The following VEPH1 variants were observed in gnomAD, a reference collection of about 807,000 sequenced individuals.
VEPH1 encodes ventricular zone-expressed PH domain-containing protein homolog 1.
In VEPH1, 80 loss-of-function variants were observed where a neutral mutation model predicts 85.2. The observed-to-expected ratio is 0.94, with a 90% CI of 0.78 to 1.13. The LOEUF is 1.13. VEPH1 is among the 50% of genes most tolerant of loss of function. The pLI, the probability that VEPH1 is intolerant of heterozygous loss-of-function variation, is 0.00. For missense variants in VEPH1, 955 were observed against 980.5 expected (o/e 0.97, Z 0.35); for synonymous variants, 297 against 348.0 (o/e 0.85, Z 1.63).
intron 12 of VEPH1, among the ~76,000 whole-genome samples, chr3:157,267,102 C>CTTTTTTT (rs10537483): frequency 3.2e-5 from 4 of 124,678 alleles, no homozygotes; most frequent in East Asian, 2.4e-4. Flanking sequence ...TCTTTTTTTT[C>CTTTTTTT]TTTTTTTTTT....
intron 4 of VEPH1, among the ~76,000 whole-genome samples, chr3:157,432,907 T>C (rs1198602017): frequency 6.6e-6 from 1 of 152,138 alleles, no homozygotes; most frequent in African/African-American, 2.4e-5. Flanking sequence ...TATGTAGATC[T>C]TTTTATGTTT....
intron 7 of VEPH1, among the ~76,000 whole-genome samples, chr3:157,374,302 C>G (rs1727844582): frequency 6.6e-6 from 1 of 152,158 alleles, no homozygotes; most frequent in South Asian, 2.1e-4. Context: ...TATCAAAACT[C>G]TTGTTTCATT....
At chr3:157,297,448 G>A (rs1445050718) in intron 11 of VEPH1, among the ~76,000 whole-genome samples, 1 of 152,226 alleles carries the variant, frequency 6.6e-6, no homozygotes, top group Middle Eastern at 3.4e-3. Context: ...ATAATGTGAT[G>A]TACAAATAGA....
intron 1 of VEPH1, among the ~76,000 whole-genome samples, chr3:157,500,021 T>C (rs1739976433): frequency 6.6e-6 from 1 of 152,218 alleles, no homozygotes; most frequent in Non-Finnish European, 1.5e-5. Context: ...ATGCGGGAAG[T>C]TGCTAATAAA....
intron 12 of VEPH1, among the ~76,000 whole-genome samples, chr3:157,272,423 C>CTT (rs1269709031): frequency 5.4e-5 from 7 of 130,536 alleles, no homozygotes; most frequent in Non-Finnish European, 5.0e-5. Flanking sequence ...TTCTTTCTTT[C>CTT]TTTCTTTCTT....
chr3:157,321,823 TTTTTAC>T (rs1185000287), intron 9 of VEPH1, among the ~76,000 whole-genome samples: 1 of 152,126 alleles, frequency 6.6e-6, no homozygotes, highest in Non-Finnish European at 1.5e-5. Flanking sequence ...ACTTAAATGA[TTTTTAC>T]ATTTTAATTT....
chr3:157,369,187 A>AC (rs1560001108), intron 7 of VEPH1, among the ~76,000 whole-genome samples: 21 of 142,070 alleles, frequency 1.5e-4, no homozygotes, highest in African/African-American at 5.0e-4. Context: ...AATGAAAAAA[A>AC]AAAAAAAAAA....
intron 13 of VEPH1, among the ~76,000 whole-genome samples, chr3:157,263,260 C>A (rs1351012448): frequency 6.6e-6 from 1 of 152,100 alleles, no homozygotes; most frequent in Non-Finnish European, 1.5e-5. Context: ...AAATTATTTC[C>A]CACTATTTGA....
At chr3:157,333,559 G>T (rs532020568) in intron 9 of VEPH1, among the ~76,000 whole-genome samples, 1 of 152,306 alleles carries the variant, frequency 6.6e-6, no homozygotes, top group East Asian at 1.9e-4. Context: ...ATATTTGCAT[G>T]ACACTAATGT....
intron 9 of VEPH1, among the ~76,000 whole-genome samples, chr3:157,327,039 A>G (rs1721981776): frequency 6.6e-6 from 1 of 152,154 alleles, no homozygotes; most frequent in South Asian, 2.1e-4. Context: ...TAGACTGCAG[A>G]GAGAATTGTC....
chr3:157,413,835 G>A (rs1211939225), intron 6 of VEPH1, 46 bp downstream of exon 6: 2 of 1,586,734 alleles, frequency 1.3e-6, no homozygotes, highest in Middle Eastern at 1.7e-4. Flanking sequence ...GTTGGATTAA[G>A]TGCCAGTGCA....
Position 157,357,678 on chromosome 3 carries a change from A to G in VEPH1, c.1735+5686T>C, listed in dbSNP as rs543791600. Among the ~76,000 whole-genome samples the G allele has an allele frequency of 2.6e-5, 4 of 152,124 alleles. No homozygotes were observed. In the South Asian group the frequency reaches 8.3e-4, roughly 32 times the overall value. ...TGGCTAATTTTTGTATTTTTAGTAG[A>G]GATGGGGTTTTGCCATTTTGGCCAG... is the stretch of plus-strand genomic sequence containing the variant. On this transcript the variant is annotated intron_variant, in intron 9 of 13. Transcript: ENST00000362010.
At chr3:157,342,894 C>T (rs1274595155) in intron 9 of VEPH1, among the ~76,000 whole-genome samples, 1 of 152,232 alleles carries the variant, frequency 6.6e-6, no homozygotes, top group Non-Finnish European at 1.5e-5. Context: ...CACTCAACTT[C>T]ATGGAAACTG....
rs1467700034 is a variant in VEPH1 at position 157,364,433 on chromosome 3, C to A, written c.1207G>T (p.Glu403Ter). 1 of 1,613,988 alleles carries A rather than the reference C, an allele frequency of 6.2e-7. No homozygotes were observed. Residue 403 changes from glutamate to a stop codon, truncating the protein, a stop_gained, in exon 8 of 14, where the codon GAA becomes TAA. Transcript: ENST00000362010. LOFTEE classifies it high-confidence loss of function. ...GCCTGGATTTTAACTTGGAGTTTTTCATGGTCTTCATTTTCAGTTACTATG... is the reference window on the plus strand; with the variant it reads ...GCCTGGATTTTAACTTGGAGTTTTTAATGGTCTTCATTTTCAGTTACTATG... ...KLIVTENEDH[E>*]KLQVKIQAFE...
At chr3:157,493,271 C>T (rs528698974) in intron 2 of VEPH1, 13 of 456,258 alleles carry the variant, frequency 2.8e-5, no homozygotes, top group Non-Finnish European at 5.3e-5. Flanking sequence ...GCAATTTAGA[C>T]GATCCCTTCC....
chr3:157,442,780 G>A (rs1560066140), intron 4 of VEPH1: 1 of 1,614,104 alleles, frequency 6.2e-7, no homozygotes, highest in African/African-American at 1.3e-5. Flanking sequence ...GAAAAGAATG[G>A]CTGCTGTGTG....
At chr3:157,275,620 T>C (rs1715292383) in intron 12 of VEPH1, among the ~76,000 whole-genome samples, 1 of 152,042 alleles carries the variant, frequency 6.6e-6, no homozygotes, top group African/African-American at 2.4e-5. Context: ...TTGACATGTA[T>C]AGATATATAT....
At chr3:157,405,061 A>T (rs1731049832) in intron 6 of VEPH1, among the ~76,000 whole-genome samples, 1 of 152,050 alleles carries the variant, frequency 6.6e-6, no homozygotes, top group Non-Finnish European at 1.5e-5. Context: ...CAGTGTAGGA[A>T]AGTCAGATCG....
intron 9 of VEPH1, among the ~76,000 whole-genome samples, chr3:157,349,334 C>T (rs573079132): frequency 2.6e-5 from 4 of 152,252 alleles, no homozygotes; most frequent in African/African-American, 9.6e-5. Context: ...ATTCAATGTC[C>T]GTTCATGATA....
Sources: allele counts gnomAD v4.1 joint callset (sites outside exome capture counted in the v4.1 genomes callset), GRCh38; gene constraint gnomAD v4.1.1; transcripts MANE v1.5; gene names NCBI Gene and HGNC (gene_info 2026-07-23, HGNC 2026-07-21).